ATP2B2: variants seen among roughly 807,000 people sequenced by gnomAD.
ATP2B2 encodes ATPase plasma membrane Ca2+ transporting 2, also known as plasma membrane calcium-transporting ATPase 2.
ATP2B2 carries 15 observed loss-of-function variants against 120.0 expected under a neutral mutation model. That is an observed-to-expected ratio of 0.12 (90% CI 0.08 to 0.19). ATP2B2 has a LOEUF of 0.19. Ranked by LOEUF, ATP2B2 falls within the 10% of genes least tolerant of loss-of-function variation. The pLI is 1.00. For missense variants in ATP2B2, 1,045 were observed against 1,719.8 expected, an observed-to-expected ratio of 0.61 and a Z score of 6.94; for synonymous variants, 694 against 700.3, an observed-to-expected ratio of 0.99 and a Z score of 0.14.
At chr3:10,666,319 G>A (rs1300448744) in intron 1 of ATP2B2, among the ~76,000 whole-genome samples, 1 of 152,180 alleles carries the variant, frequency 6.6e-6, no homozygotes, top group African/African-American at 2.4e-5. Context: ...GGGGGTAAAA[G>A]CATAACCACC....
chr3:10,678,463 T>C (rs1272659642), intron 1 of ATP2B2, among the ~76,000 whole-genome samples: 2 of 152,140 alleles, frequency 1.3e-5, no homozygotes, highest in African/African-American at 4.8e-5. Flanking sequence ...TGCTGAGCAC[T>C]TATTGTGTGT....
intron 2 of ATP2B2, among the ~76,000 whole-genome samples, chr3:10,556,807 G>A (rs1328232547): frequency 6.6e-6 from 1 of 152,002 alleles, no homozygotes; most frequent in African/African-American, 2.4e-5. Context: ...CATATTCATT[G>A]AGCCTCTTTC....
chr3:10,385,832 C>A (rs2061661635), intron 7 of ATP2B2, among the ~76,000 whole-genome samples: 1 of 152,240 alleles, frequency 6.6e-6, no homozygotes, highest in South Asian at 2.1e-4. Flanking sequence ...TTTGACTTAA[C>A]TGGATTCATG....
chr3:10,491,223 C>CCTTT (rs2065921993), intron 1 of ATP2B2, among the ~76,000 whole-genome samples: 2 of 135,506 alleles, frequency 1.5e-5, no homozygotes, highest in African/African-American at 5.7e-5. Context: ...TCCTTCATTC[C>CCTTT]ATTTTTTTTT....
intron 1 of ATP2B2, among the ~76,000 whole-genome samples, chr3:10,650,193 C>T (rs1034683603): frequency 6.6e-6 from 1 of 152,154 alleles, no homozygotes. Flanking sequence ...CAAAAATGCT[C>T]ATAGTGATAT....
At chr3:10,699,939 T>A (rs904942654) in intron 1 of ATP2B2, among the ~76,000 whole-genome samples, 6 of 152,284 alleles carry the variant, frequency 3.9e-5, no homozygotes, top group African/African-American at 7.2e-5. Flanking sequence ...TGTGAACGCA[T>A]ACATTTCTCT....
intron 2 of ATP2B2, among the ~76,000 whole-genome samples, chr3:10,422,849 T>G (rs932214272): frequency 1.3e-5 from 2 of 152,258 alleles, no homozygotes; most frequent in Non-Finnish European, 1.5e-5. Flanking sequence ...TCCACTGATT[T>G]AAACCTATCA....
At chr3:10,664,768 A>C (rs2070882793) in intron 1 of ATP2B2, among the ~76,000 whole-genome samples, 1 of 152,192 alleles carries the variant, frequency 6.6e-6, no homozygotes, top group Non-Finnish European at 1.5e-5. Context: ...AAGGGAAGGC[A>C]ATAGAGAAAG....
At chr3:10,418,453 G>A (rs1185398088) in intron 2 of ATP2B2, among the ~76,000 whole-genome samples, 2 of 152,168 alleles carry the variant, frequency 1.3e-5, no homozygotes, top group Non-Finnish European at 2.9e-5. Context: ...GCAGGGCAGG[G>A]TTCTGCTCTT....
In ATP2B2 at chr3:10,368,632, A is replaced by G. The variant is rs1384982734; in HGVS notation, c.1659+3177T>C. ...TCCATCCATCCATTTACCAACCATC[A>G]CATCCACCCATCCATCCATCTATTC... On this transcript the variant is annotated intron_variant, in intron 12 of 22. Coordinates refer to ENST00000360273, the MANE Select transcript of ATP2B2 (RefSeq NM_001001331.4). Among the ~76,000 whole-genome samples the G allele has an allele frequency of 4.0e-5, 6 of 150,562 alleles. No individual in the cohort carries two copies. The South Asian group carries it at 1.1e-3, about 27-fold the overall frequency.
At chr3:10,486,584 T>C (rs1320595923) in intron 1 of ATP2B2, among the ~76,000 whole-genome samples, 1 of 152,112 alleles carries the variant, frequency 6.6e-6, no homozygotes, top group Non-Finnish European at 1.5e-5. Flanking sequence ...CTGGGACTGC[T>C]CTTCCCCAGA....
chr3:10,667,978 T>C (rs2070989160), intron 1 of ATP2B2, among the ~76,000 whole-genome samples: 1 of 146,338 alleles, frequency 6.8e-6, no homozygotes, highest in African/African-American at 2.5e-5. Flanking sequence ...AAGAAATCAC[T>C]GAACGAGGAC....
At chr3:10,639,210 A>G (rs2070104872) in intron 1 of ATP2B2, among the ~76,000 whole-genome samples, 1 of 152,232 alleles carries the variant, frequency 6.6e-6, no homozygotes. Context: ...AAGAAAATGA[A>G]AAGTCACCAA....
chr3:10,381,386 A>G (rs1374924696), intron 8 of ATP2B2, among the ~76,000 whole-genome samples: 1 of 152,188 alleles, frequency 6.6e-6, no homozygotes, highest in Non-Finnish European at 1.5e-5. Context: ...CCACTTCAAT[A>G]GTTGGTTTTA....
rs748181594 is a variant in ATP2B2 at position 10,342,993 on chromosome 3, C to T, written c.2704-28G>A. ...GGGGACGGGCAGGAGAGGGCTGTCA[C>T]CTGTGCGCCCACCTGCTGCTGTGAA... On this transcript the variant is annotated intron_variant, in intron 18 of 22. Coordinates refer to ENST00000360273, the MANE Select transcript of ATP2B2 (RefSeq NM_001001331.4). The surrounding 1 kb of genome is among the most constrained non-coding windows in gnomAD (Gnocchi z 4.4). 3 of 1,606,692 alleles carry T rather than the reference C, an allele frequency of 1.9e-6. No individual in the cohort carries two copies. In the South Asian group the frequency reaches 3.3e-5, roughly 18 times the overall value.
At chr3:10,356,797 C>T (rs2060744424) in intron 14 of ATP2B2, among the ~76,000 whole-genome samples, 1 of 152,224 alleles carries the variant, frequency 6.6e-6, no homozygotes, top group Non-Finnish European at 1.5e-5. Context: ...AGGTGTCCCA[C>T]AGGGAGGCTG....
At position 10,327,193 on chromosome 3, in the gene ATP2B2, T is replaced by A; in HGVS notation, c.*1621A>T. On this transcript the variant is annotated 3_prime_UTR_variant, in exon 23 of 23. Coordinates refer to ENST00000360273, the MANE Select transcript of ATP2B2 (RefSeq NM_001001331.4). ...TGACATCCAATTAAATAAGCTCTTATTAAGTGGGATTACTAGTGCTGTTGT... is the reference window on the plus strand; with the variant it reads ...TGACATCCAATTAAATAAGCTCTTAATAAGTGGGATTACTAGTGCTGTTGT... 5.2e-6 allele frequency: 1 copy of A among 194,014 alleles called. No individual in the cohort carries two copies. Among genetic ancestry groups the A allele is most frequent in the Admixed American group, 6.1e-5 (1 of 16,466 alleles). 12.0% of individuals were successfully genotyped at this position (194,014 alleles called of 1,614,324 possible).
chr3:10,459,816 C>T (rs2064412064), intron 1 of ATP2B2, among the ~76,000 whole-genome samples: 1 of 152,244 alleles, frequency 6.6e-6, no homozygotes, highest in Admixed American at 6.5e-5. Context: ...CCAGCCCCGC[C>T]ATTTATACAG....
intron 13 of ATP2B2, among the ~76,000 whole-genome samples, chr3:10,359,438 A>G (rs2060833203): frequency 6.6e-6 from 1 of 152,086 alleles, no homozygotes; most frequent in South Asian, 2.1e-4. Flanking sequence ...CTGAGGCCAG[A>G]GAGGGGAAGG....
Sources: gnomAD v4.1 joint callset for allele counts (sites outside exome capture counted in the v4.1 genomes callset) on GRCh38, gnomAD v4.1.1 for gene constraint, Gnocchi (gnomAD v3.1) non-coding constraint, MANE v1.5 for transcripts, NCBI Gene and HGNC (gene_info 2026-07-23, HGNC 2026-07-21) for gene names.